PIK3CA: variants seen among roughly 807,000 people sequenced by gnomAD.
The protein encoded by PIK3CA is phosphatidylinositol 4,5-bisphosphate 3-kinase catalytic subunit alpha isoform.
Under a neutral mutation model 138.2 loss-of-function variants are expected in PIK3CA, and 27 were observed. That is an observed-to-expected ratio of 0.20 (90% CI 0.14 to 0.27). PIK3CA has a LOEUF of 0.27. Ranked by LOEUF, PIK3CA falls within the 10% of genes least tolerant of loss-of-function variation. The pLI is 1.00. For synonymous variants in PIK3CA, 358 were observed against 413.2 expected, an observed-to-expected ratio of 0.87 and a Z score of 1.62; for missense variants, 544 against 1,277.4, an observed-to-expected ratio of 0.43 and a Z score of 8.75.
intron 14 of PIK3CA, among the ~76,000 whole-genome samples, chr3:179,222,029 C>A (rs1724980806): frequency 6.6e-6 from 1 of 151,754 alleles, no homozygotes; most frequent in African/African-American, 2.4e-5. Flanking sequence ...TTTTTATGAC[C>A]TTTTCCTACA....
At chr3:179,157,779 A>T (rs1489064978) in intron 1 of PIK3CA, among the ~76,000 whole-genome samples, 4 of 152,234 alleles carry the variant, frequency 2.6e-5, no homozygotes, top group Middle Eastern at 6.8e-3. Context: ...AATATATCTC[A>T]TAATGATTAA....
rs566082507 is a variant in PIK3CA, at chr3:179,219,142, A to G, written c.1665-54A>G. ...TCATATGGAGAAGTTAGACATGTCA[A>G]CCTTTTGAACAGCATGCAAGAATGT... On this transcript the variant is annotated intron_variant, in intron 10 of 20. Transcript: ENST00000263967. This position sits in a 1 kb window ranked among gnomAD's most constrained non-coding sequence, Gnocchi z 4.2. 7.3e-4 allele frequency: 780 copies of G among 1,071,972 alleles called. 15 individuals carry two copies. In the South Asian group the frequency reaches 9.6e-3, roughly 13 times the overall value. 66.4% of individuals were successfully genotyped at this position (1,071,972 alleles called of 1,614,324 possible).
chr3:179,193,296 A>G (rs1724183109), intron 1 of PIK3CA, among the ~76,000 whole-genome samples: 1 of 152,246 alleles, frequency 6.6e-6, no homozygotes, highest in Admixed American at 6.5e-5. Flanking sequence ...CTAAGGTCAT[A>G]CAGCAGAGCC....
Position 179,236,641 on chromosome 3 carries a change from C to A in PIK3CA, c.*2277C>A. Reference sequence around the variant, plus strand: ...TCTATCAGTCCAGATAGTTGTCTCCCCTCCTTCTCCCAGGACCTCTCCACC... The same window carrying A: ...TCTATCAGTCCAGATAGTTGTCTCCACTCCTTCTCCCAGGACCTCTCCACC... On this transcript the variant is annotated 3_prime_UTR_variant, in exon 21 of 21. Transcript: ENST00000263967. The A allele has an allele frequency of 4.4e-6, 1 of 227,096 alleles. No individual in the cohort carries two copies. 14.1% of individuals were successfully genotyped at this position (227,096 alleles called of 1,614,324 possible).
intron 17 of PIK3CA, among the ~76,000 whole-genome samples, chr3:179,226,243 A>T (rs529299037): frequency 6.6e-6 from 1 of 152,292 alleles, no homozygotes; most frequent in Non-Finnish European, 1.5e-5. Context: ...AAAAGAGCTA[A>T]TAAGCTAATA....
chr3:179,199,327 G>A (rs1724349318), intron 2 of PIK3CA, 150 bp downstream of exon 2: 5 of 538,714 alleles, frequency 9.3e-6, no homozygotes, highest in South Asian at 3.4e-5. Flanking sequence ...TTTTACTATC[G>A]AACTATGGAA....
In PIK3CA at chr3:179,210,179, T is replaced by A. The variant is rs2108400088; in HGVS notation, c.1252-7T>A. 6.4e-7 allele frequency: 1 copy of A among 1,564,294 alleles called. No individual in the cohort carries two copies. The highest frequency in any genetic ancestry group is 8.6e-7 in the Non-Finnish European group (1 of 1,164,390). ...AGACTAGTGAATATTTTTCTTTGTT[T>A]TTTAAGGAACACTGTCCATTGGCAT... On this transcript the variant is annotated splice_region_variant and splice_polypyrimidine_tract_variant and intron_variant, in intron 7 of 20. Transcript: ENST00000263967.
intron 1 of PIK3CA, among the ~76,000 whole-genome samples, chr3:179,163,139 A>G (rs954569328): frequency 1.3e-5 from 2 of 152,224 alleles, no homozygotes; most frequent in African/African-American, 4.8e-5. Context: ...AGGAAAACTA[A>G]GATTTGTTTT....
At chr3:179,183,601 T>A (rs1464261915) in intron 1 of PIK3CA, among the ~76,000 whole-genome samples, 3 of 152,218 alleles carry the variant, frequency 2.0e-5, no homozygotes. Flanking sequence ...GCACTATACA[T>A]TCTGTGCTTT....
rs2108392778 is a variant in PIK3CA, at chr3:179,203,620, T to C, written c.890T>C (p.Leu297Pro). 6.2e-7 allele frequency: 1 copy of C among 1,614,016 alleles called. No homozygotes were observed. The highest frequency in any genetic ancestry group is 8.5e-7 in the Non-Finnish European group (1 of 1,179,944). The change falls in exon 5 of 21, where the codon CTG becomes CCG. Residue 297 changes from leucine to proline, a missense_variant. By Grantham distance (98) the Leu-to-Pro change is moderately conservative. This residue lies in a region of PIK3CA where 234 missense variants were observed against 401.3 expected (regional missense o/e 0.58). Transcript: ENST00000263967. ...LMAKESLYSQ[L>P]PMDCFTMPSY... Reference sequence around the variant, plus strand: ...GCTAAAGAAAGCCTTTATTCTCAACTGCCAATGGACTGTTTTACAATGCCA... The same window carrying C: ...GCTAAAGAAAGCCTTTATTCTCAACCGCCAATGGACTGTTTTACAATGCCA...
At chr3:179,167,738 C>T (rs188731788) in intron 1 of PIK3CA, among the ~76,000 whole-genome samples, 19 of 152,220 alleles carry the variant, frequency 1.2e-4, no homozygotes, top group African/African-American at 2.4e-4. Context: ...TCATGAACTA[C>T]GCAATGAATA....
At chr3:179,216,739 A>G (rs1199703395) in intron 9 of PIK3CA, among the ~76,000 whole-genome samples, 4 of 152,188 alleles carry the variant, frequency 2.6e-5, no homozygotes, top group South Asian at 2.1e-4. Context: ...TAATATTTAA[A>G]TTCTTATTAA....
At chr3:179,157,056 G>A (rs1369627364) in intron 1 of PIK3CA, among the ~76,000 whole-genome samples, 3 of 151,916 alleles carry the variant, frequency 2.0e-5, no homozygotes, top group Admixed American at 1.3e-4. Context: ...GAAAATTTGC[G>A]GAAAAAATAT....
chr3:179,220,572 T>C lies in PIK3CA; in HGVS notation c.2016-414T>C, dbSNP rs1250881490. The stretch of plus-strand genomic sequence containing the variant: ...TTTATATCTAATATGATATTTTAAG[T>C]GTTAAAATTTAATAATGGAACCCAG... On this transcript the variant is annotated intron_variant, in intron 13 of 20. Coordinates refer to ENST00000263967, the MANE Select transcript of PIK3CA (RefSeq NM_006218.4). This position sits in a 1 kb window ranked among gnomAD's most constrained non-coding sequence, Gnocchi z 4.1. Among the ~76,000 whole-genome samples, 1 of 152,194 alleles carries C rather than the reference T, an allele frequency of 6.6e-6. No homozygotes were observed. Among genetic ancestry groups the C allele is most frequent in the Non-Finnish European group, 1.5e-5 (1 of 68,030 alleles).
chr3:179,225,692 C>T (rs1406350779), intron 16 of PIK3CA, among the ~76,000 whole-genome samples: 1 of 152,030 alleles, frequency 6.6e-6, no homozygotes, highest in Admixed American at 6.6e-5. Context: ...ATTACTTGAG[C>T]CCAGGAGTTT....
chr3:179,235,829 C>T lies in PIK3CA; in HGVS notation c.*1465C>T, dbSNP rs1409632136. Reference sequence around the variant, plus strand: ...AACTTTATTAAATACTATTTGAGCACAGGACACATTCTTAAACATTTTGAA... The same window carrying T: ...AACTTTATTAAATACTATTTGAGCATAGGACACATTCTTAAACATTTTGAA... On this transcript the variant is annotated 3_prime_UTR_variant, in exon 21 of 21. Transcript: ENST00000263967. The T allele has an allele frequency of 9.4e-6, 2 of 213,322 alleles. No homozygotes were observed. The highest frequency in any genetic ancestry group is 2.3e-5 in the African/African-American group (1 of 44,316). 13.2% of individuals were successfully genotyped at this position (213,322 alleles called of 1,614,324 possible).
At chr3:179,188,848 T>C (rs1369046322) in intron 1 of PIK3CA, among the ~76,000 whole-genome samples, 1 of 152,226 alleles carries the variant, frequency 6.6e-6, no homozygotes, top group Non-Finnish European at 1.5e-5. Context: ...TATTAATGTT[T>C]AGTCACATTT....
chr3:179,160,447 A>G (rs1353542957), intron 1 of PIK3CA, among the ~76,000 whole-genome samples: 3 of 152,226 alleles, frequency 2.0e-5, no homozygotes, highest in African/African-American at 7.2e-5. Context: ...TGTTCATACA[A>G]CATGGCCTCT....
chr3:179,191,489 T>G (rs920288546), intron 1 of PIK3CA, among the ~76,000 whole-genome samples: 4 of 152,304 alleles, frequency 2.6e-5, no homozygotes, highest in South Asian at 2.1e-4. Context: ...TTTTAGCAAA[T>G]TGTGGCTGTT....
Sources: allele counts gnomAD v4.1 joint callset (sites outside exome capture counted in the v4.1 genomes callset), GRCh38; gene constraint gnomAD v4.1.1; regional missense constraint gnomAD v4.1.1; non-coding constraint Gnocchi (gnomAD v3.1); transcripts MANE v1.5; gene names NCBI Gene and HGNC (gene_info 2026-07-23, HGNC 2026-07-21).